The following FARS2 variants were observed in gnomAD, a reference collection of about 807,000 sequenced individuals.
FARS2 encodes the protein phenylalanine--tRNA ligase, mitochondrial.
FARS2 carries 40 observed loss-of-function variants against 46.4 expected under a neutral mutation model. The observed-to-expected ratio is 0.86, with a 90% confidence interval of 0.67 to 1.12. The LOEUF (loss-of-function observed/expected upper bound fraction) is 1.12, where lower values mean the gene tolerates loss of function less well. Ranked by LOEUF, FARS2 falls within the 50% of genes most tolerant of loss-of-function variation. FARS2 has a pLI of 0.00. For synonymous variants in FARS2, 234 were observed against 214.9 expected, an observed-to-expected ratio of 1.09 and a Z score of -0.78; for missense variants, 513 against 567.9, an observed-to-expected ratio of 0.90 and a Z score of 0.98.
At chr6:5,464,256 G>A (rs1027705509) in intron 4 of FARS2, among the ~76,000 whole-genome samples, 6 of 152,206 alleles carry the variant, frequency 3.9e-5, no homozygotes, top group Non-Finnish European at 7.3e-5. Flanking sequence ...TGAGGAACAG[G>A]CTGCGACTCG....
intron 1 of FARS2, among the ~76,000 whole-genome samples, chr6:5,367,735 G>A (rs1434431205): frequency 1.3e-5 from 2 of 152,072 alleles, no homozygotes; most frequent in African/African-American, 4.8e-5. Context: ...TTAATTGTGG[G>A]TGTGTAGTAG....
chr6:5,515,288 T>C (rs1217860521), intron 4 of FARS2, among the ~76,000 whole-genome samples: 1 of 152,224 alleles, frequency 6.6e-6, no homozygotes, highest in African/African-American at 2.4e-5. Context: ...TAGGAATTTC[T>C]CATGGTGTAT....
At position 5,606,051 on chromosome 6, in the gene FARS2, G is replaced by A. The variant is rs116354490; in HGVS notation, c.1066-7118G>A. ...ACCTAAACTAGGTCAGTTAAGAGGAGAGGAAGATAGATTCAGAAGCTCCGC... is the reference window on the plus strand; with the variant it reads ...ACCTAAACTAGGTCAGTTAAGAGGAAAGGAAGATAGATTCAGAAGCTCCGC... On this transcript the variant is annotated intron_variant, in intron 5 of 6. Transcript: ENST00000274680. Among the ~76,000 whole-genome samples, 745 of 152,220 alleles carry A rather than the reference G, an allele frequency of 4.9e-3. 4 individuals carry two copies. Among genetic ancestry groups the A allele is most frequent in the Non-Finnish European group, 8.2e-3 (555 of 68,026 alleles).
intron 1 of FARS2, among the ~76,000 whole-genome samples, chr6:5,296,129 CTTTTTTTT>C (rs70974187): frequency 7.3e-5 from 4 of 55,070 alleles, no homozygotes; most frequent in East Asian, 6.2e-4. Flanking sequence ...TCATTTTGGC[CTTTTTTTT>C]TTTTTTTTTT....
chr6:5,624,900 CG>C (rs1430726384), intron 6 of FARS2, among the ~76,000 whole-genome samples: 22 of 151,818 alleles, frequency 1.4e-4, no homozygotes, highest in African/African-American at 5.3e-4. Context: ...TTGTGCCCTC[CG>C]TTCACAAGAT....
chr6:5,613,883 TG>T (rs1490483248), intron 6 of FARS2, among the ~76,000 whole-genome samples: 1 of 152,000 alleles, frequency 6.6e-6, no homozygotes, highest in African/African-American at 2.4e-5. Context: ...TAATTTCATG[TG>T]GGGAGTCAGG....
intron 6 of FARS2, among the ~76,000 whole-genome samples, chr6:5,682,419 T>A (rs1199493132): frequency 1.3e-5 from 2 of 152,220 alleles, no homozygotes; most frequent in African/African-American, 4.8e-5. Flanking sequence ...GGTAGTTTAA[T>A]AATAAGTTGT....
intron 4 of FARS2, among the ~76,000 whole-genome samples, chr6:5,462,099 TC>T (rs368657249): frequency 3.3e-5 from 5 of 152,360 alleles, no homozygotes; most frequent in African/African-American, 9.6e-5. Context: ...AAAATAGGCA[TC>T]CCAGTGAGTT....
chr6:5,646,457 G>C (rs1488084859), intron 6 of FARS2, among the ~76,000 whole-genome samples: 1 of 152,154 alleles, frequency 6.6e-6, no homozygotes, highest in African/African-American at 2.4e-5. Flanking sequence ...AGCATTGCCG[G>C]TCTGTGGTCT....
intron 6 of FARS2, among the ~76,000 whole-genome samples, chr6:5,723,953 C>T (rs1350691685): frequency 2.3e-5 from 3 of 131,276 alleles, no homozygotes; most frequent in African/African-American, 7.9e-5. Context: ...ACAGAGGAAA[C>T]ACCCTGCAGA....
At chr6:5,689,321 C>G (rs1321287321) in intron 6 of FARS2, among the ~76,000 whole-genome samples, 2 of 152,150 alleles carry the variant, frequency 1.3e-5, no homozygotes, top group Admixed American at 1.3e-4. Context: ...TTCCTGCTTT[C>G]TCTTGTGGGC....
intron 6 of FARS2, among the ~76,000 whole-genome samples, chr6:5,704,080 T>G (rs1304322927): frequency 6.6e-6 from 1 of 152,184 alleles, no homozygotes; most frequent in Non-Finnish European, 1.5e-5. Flanking sequence ...GCTGGTCAGC[T>G]TAGTTTTCAT....
chr6:5,614,683 G>A (rs1775377025), intron 6 of FARS2, among the ~76,000 whole-genome samples: 1 of 152,162 alleles, frequency 6.6e-6, no homozygotes, highest in African/African-American at 2.4e-5. Flanking sequence ...ACAGGCGTGA[G>A]CCATCGCGCT....
At position 5,617,723 on chromosome 6, in the gene FARS2, G is replaced by A. The variant is rs541717569; in HGVS notation, c.1217+4403G>A. On this transcript the variant is annotated intron_variant, in intron 6 of 6. Transcript: ENST00000274680. ...TTGCAGCCATTTTGGGCCATGGTGC[G>A]GACTTGGCAATGGAGACTGTATGGA... Among the ~76,000 whole-genome samples, 8 of 152,270 alleles carry A rather than the reference G, an allele frequency of 5.3e-5. 1 individual carries two copies. In the South Asian group the frequency reaches 6.2e-4, roughly 12 times the overall value.
At chr6:5,691,164 C>T (rs751125598) in intron 6 of FARS2, among the ~76,000 whole-genome samples, 19 of 152,130 alleles carry the variant, frequency 1.2e-4, no homozygotes, top group South Asian at 2.1e-4. Flanking sequence ...GTAGTTTGAT[C>T]GTCTGAAGCC....
chr6:5,581,732 G>C (rs1773340624), intron 5 of FARS2, among the ~76,000 whole-genome samples: 1 of 151,978 alleles, frequency 6.6e-6, no homozygotes, highest in Admixed American at 6.6e-5. Context: ...TTTCTAAATG[G>C]TCACGGTAAC....
the FARS2 span, among the ~76,000 whole-genome samples, chr6:5,251,628 T>C: frequency 2.0e-5 from 3 of 152,274 alleles, no homozygotes; most frequent in Middle Eastern, 6.8e-3. Flanking sequence ...TGCTAAACTA[T>C]TCATGAGAAA....
intron 6 of FARS2, among the ~76,000 whole-genome samples, chr6:5,709,888 G>T (rs529770522): frequency 6.6e-6 from 1 of 152,296 alleles, no homozygotes; most frequent in African/African-American, 2.4e-5. Context: ...CTTGGTGAGT[G>T]CTCATATTAA....
chr6:5,360,902 G>A lies in FARS2; in HGVS notation c.-21-7648G>A, dbSNP rs544291401. 1.1e-4 allele frequency among the ~76,000 whole-genome samples: 16 copies of A among 152,250 alleles called. No individual in the cohort carries two copies. In the East Asian group the frequency reaches 2.9e-3, roughly 28 times the overall value. On this transcript the variant is annotated intron_variant, in intron 1 of 6. Transcript: ENST00000274680. ...AAGACATTTTTAGTGAAACAGAGAA[G>A]ATCAGGCTAGAGAATGCTTATATTA...
Sources: gnomAD v4.1 joint callset for allele counts (sites outside exome capture counted in the v4.1 genomes callset) on GRCh38, gnomAD v4.1.1 for gene constraint, MANE v1.5 for transcripts, NCBI Gene and HGNC (gene_info 2026-07-23, HGNC 2026-07-21) for gene names.